TMEM217B: variants seen among roughly 807,000 people sequenced by gnomAD.
TMEM217B encodes putative transmembrane protein 217B.
chr6:37,249,127 T>G, the TMEM217B span, among the ~76,000 whole-genome samples: 560 of 152,330 alleles, frequency 3.7e-3, 13 homozygotes, highest in East Asian at 0.049. Context: ...AATCTTTAAC[T>G]TAATATCTGT....
chr6:37,248,699 C>T, the TMEM217B span, among the ~76,000 whole-genome samples: 1 of 152,170 alleles, frequency 6.6e-6, no homozygotes, highest in East Asian at 1.9e-4. Flanking sequence ...GGATGGCGAA[C>T]AAGGAACTGG....
chr6:37,219,013 C>A, the TMEM217B span: 2 of 1,613,580 alleles, frequency 1.2e-6, no homozygotes, highest in Non-Finnish European at 1.7e-6. Context: ...TCATCCCACA[C>A]CACTGCTGCT....
the TMEM217B span, among the ~76,000 whole-genome samples, chr6:37,215,997 GTGTGTGTGTGTGT>G: frequency 5.9e-4 from 9 of 15,280 alleles, no homozygotes; most frequent in South Asian, 9.1e-3. Context: ...TCTTCAGGGT[GTGTGTGTGTGTGT>G]GTGTGTGTGT....
the TMEM217B span, chr6:37,213,065 C>T: frequency 9.6e-7 from 1 of 1,040,218 alleles, no homozygotes; most frequent in South Asian, 1.6e-5. Flanking sequence ...TCCCCCAAGT[C>T]ACTAGATATA....
chr6:37,219,138 A>C, the TMEM217B span: 2 of 1,099,898 alleles, frequency 1.8e-6, no homozygotes, highest in Non-Finnish European at 2.6e-6. Context: ...CTTTGGAGAA[A>C]TATAGACAGA....
the TMEM217B span, among the ~76,000 whole-genome samples, chr6:37,227,118 A>C: frequency 6.6e-6 from 1 of 152,198 alleles, no homozygotes; most frequent in Non-Finnish European, 1.5e-5. Flanking sequence ...ACTTGTCTTC[A>C]TACTCAACCT....
chr6:37,252,596 T>C, the TMEM217B span, among the ~76,000 whole-genome samples: 1 of 20,770 alleles, frequency 4.8e-5, no homozygotes, highest in African/African-American at 5.0e-4. Flanking sequence ...TGTATGTGTG[T>C]GTGTGTGTGT....
chr6:37,250,515 G>C, the TMEM217B span, among the ~76,000 whole-genome samples: 1 of 152,212 alleles, frequency 6.6e-6, no homozygotes, highest in Admixed American at 6.5e-5. Context: ...AAGCCATTTT[G>C]GAGAACATTT....
the TMEM217B span, among the ~76,000 whole-genome samples, chr6:37,217,313 C>CA: frequency 6.6e-6 from 1 of 152,106 alleles, no homozygotes; most frequent in Non-Finnish European, 1.5e-5. Context: ...AAATGTGCTT[C>CA]ATACAGTCTC....
At chr6:37,212,661 T>G in the TMEM217B span, 2 of 573,742 alleles carry the variant, frequency 3.5e-6, no homozygotes, top group South Asian at 3.0e-5. Context: ...GGAGCAGGAC[T>G]ATGGAGAAGT....
chr6:37,240,177 C>T, the TMEM217B span, among the ~76,000 whole-genome samples: 2 of 152,336 alleles, frequency 1.3e-5, no homozygotes, highest in Admixed American at 1.3e-4. Flanking sequence ...AAACCTTAGA[C>T]ACTTATGATA....
At chr6:37,218,671 G>T in the TMEM217B span, 5 of 1,614,100 alleles carry the variant, frequency 3.1e-6, no homozygotes, top group Non-Finnish European at 4.2e-6. Flanking sequence ...CCTCTTTAAT[G>T]TCAAAGTCAT....
chr6:37,216,028 TGTGTGA>T, the TMEM217B span, among the ~76,000 whole-genome samples: 63 of 116,142 alleles, frequency 5.4e-4, no homozygotes, highest in East Asian at 1.6e-3. Flanking sequence ...TGTGTGTGTG[TGTGTGA>T]GAAACAGATA....
the TMEM217B span, chr6:37,218,962 G>A: frequency 1.2e-6 from 2 of 1,614,210 alleles, no homozygotes; most frequent in Non-Finnish European, 8.5e-7. Flanking sequence ...CTACGGCCAT[G>A]ATGGTGAAGA....
the TMEM217B span, chr6:37,212,821 G>T: frequency 2.2e-6 from 2 of 924,768 alleles, no homozygotes; most frequent in Non-Finnish European, 1.7e-6. Flanking sequence ...CAGGGTCCAA[G>T]TGACTAGCTC....
the TMEM217B span, chr6:37,257,927 G>A: frequency 6.2e-7 from 1 of 1,614,122 alleles, no homozygotes; most frequent in Non-Finnish European, 8.5e-7. Context: ...AATGGCCGCT[G>A]AGAACAGCAA....
the TMEM217B span, among the ~76,000 whole-genome samples, chr6:37,240,397 T>G: frequency 1.6e-3 from 249 of 152,336 alleles, 2 homozygotes; most frequent in Non-Finnish European, 2.6e-3. Context: ...TTCTTGGCTG[T>G]TGGCCAGAGA....
At chr6:37,250,527 G>T in the TMEM217B span, among the ~76,000 whole-genome samples, 1 of 152,226 alleles carries the variant, frequency 6.6e-6, no homozygotes, top group East Asian at 1.9e-4. Context: ...AGAACATTTT[G>T]CAACATTTAG....
the TMEM217B span, among the ~76,000 whole-genome samples, chr6:37,237,307 C>A: frequency 6.6e-6 from 1 of 152,182 alleles, no homozygotes. Context: ...AGTGAATTGA[C>A]ATTCTCTGCC....
Sources: gnomAD v4.1 joint callset for allele counts (sites outside exome capture counted in the v4.1 genomes callset) on GRCh38, gnomAD v4.1.1 for gene constraint, MANE v1.5 for transcripts, NCBI Gene and HGNC (gene_info 2026-07-23, HGNC 2026-07-21) for gene names.